Variants in FBXL17 observed in about 807,000 individuals in gnomAD.
FBXL17 encodes F-box and leucine rich repeat protein 17, also known as F-box/LRR-repeat protein 17.
FBXL17 carries 22 observed loss-of-function variants against 66.2 expected under a neutral mutation model. The ratio of observed to expected loss-of-function variants is 0.33; its 90% CI spans 0.24 to 0.47. FBXL17 has a LOEUF of 0.47. Ranked by LOEUF, FBXL17 falls within the 20% of genes least tolerant of loss-of-function variation. The probability of loss-of-function intolerance (pLI) is 1.00; values close to 1 mark genes in which losing one functional copy is unlikely to be tolerated. For missense variants in FBXL17, 878 were observed against 948.2 expected, an observed-to-expected ratio of 0.93 and a Z score of 0.97; for synonymous variants, 474 against 400.5, an observed-to-expected ratio of 1.18 and a Z score of -2.19.
At chr5:108,109,703 A>G (rs1011869122) in intron 6 of FBXL17, among the ~76,000 whole-genome samples, 5 of 152,190 alleles carry the variant, frequency 3.3e-5, no homozygotes, top group Admixed American at 6.5e-5. Flanking sequence ...AATACCAGTT[A>G]GTGCCCCACT....
At chr5:108,269,113 T>C (rs1489280114) in intron 4 of FBXL17, among the ~76,000 whole-genome samples, 1 of 152,048 alleles carries the variant, frequency 6.6e-6, no homozygotes, top group Non-Finnish European at 1.5e-5. Context: ...TCAGCTTCAA[T>C]TTCCCATCCT....
At chr5:108,346,877 T>A (rs1035293119) in intron 4 of FBXL17, among the ~76,000 whole-genome samples, 3 of 152,154 alleles carry the variant, frequency 2.0e-5, no homozygotes, top group African/African-American at 7.2e-5. Context: ...AACACAGACC[T>A]AACTTCTCTT....
At chr5:108,034,589 C>T (rs944590138) in intron 6 of FBXL17, among the ~76,000 whole-genome samples, 4 of 151,778 alleles carry the variant, frequency 2.6e-5, no homozygotes, top group Admixed American at 2.0e-4. Flanking sequence ...AAGAAACATG[C>T]AGTTATTTAT....
intron 4 of FBXL17, among the ~76,000 whole-genome samples, chr5:108,233,541 C>G (rs1021448871): frequency 6.6e-6 from 1 of 152,160 alleles, no homozygotes; most frequent in African/African-American, 2.4e-5. Flanking sequence ...ACATTTTGAT[C>G]TTTCAGTCAG....
intron 7 of FBXL17, among the ~76,000 whole-genome samples, chr5:107,987,902 T>G (rs915571942): frequency 6.6e-6 from 1 of 152,000 alleles, no homozygotes; most frequent in Admixed American, 6.6e-5. Context: ...ATGCATTAGA[T>G]GAAACTGAAT....
At chr5:108,009,243 C>T (rs1196911940) in intron 7 of FBXL17, among the ~76,000 whole-genome samples, 2 of 10,280 alleles carry the variant, frequency 1.9e-4, no homozygotes, top group East Asian at 2.2e-3. Context: ...ACAGCTTGGT[C>T]GTGAGTTGTT....
chr5:107,995,161 C>G (rs1561357923), intron 7 of FBXL17, among the ~76,000 whole-genome samples: 1 of 152,112 alleles, frequency 6.6e-6, no homozygotes, highest in Non-Finnish European at 1.5e-5. Flanking sequence ...AGAAAAAGAA[C>G]TAAAAAGGTA....
intron 4 of FBXL17, among the ~76,000 whole-genome samples, chr5:108,339,806 A>T (rs1340960441): frequency 6.6e-6 from 1 of 152,196 alleles, no homozygotes; most frequent in Non-Finnish European, 1.5e-5. Context: ...GGATATCCTT[A>T]TCGGAGTTTT....
intron 7 of FBXL17, among the ~76,000 whole-genome samples, chr5:107,920,662 T>C (rs1432344301): frequency 6.6e-6 from 1 of 152,194 alleles, no homozygotes; most frequent in African/African-American, 2.4e-5. Context: ...AAGTGAACTT[T>C]TGAGAAAATT....
At chr5:108,003,846 G>A (rs935013003) in intron 7 of FBXL17, among the ~76,000 whole-genome samples, 8 of 152,116 alleles carry the variant, frequency 5.3e-5, no homozygotes, top group African/African-American at 1.9e-4. Flanking sequence ...AATATAGCAT[G>A]AGAAGGTCTA....
intron 4 of FBXL17, among the ~76,000 whole-genome samples, chr5:108,233,179 TTG>T (rs1491549417): frequency 1.3e-5 from 2 of 148,240 alleles, no homozygotes; most frequent in East Asian, 2.0e-4. Context: ...TGTTTCACAA[TTG>T]TTTTTTTTGC....
chr5:108,110,365 G>T (rs1386964767), intron 6 of FBXL17, among the ~76,000 whole-genome samples: 1 of 152,060 alleles, frequency 6.6e-6, no homozygotes, highest in Non-Finnish European at 1.5e-5. Flanking sequence ...TAGAATTTCT[G>T]AAATTTCTTA....
chr5:108,270,844 C>G (rs1295617729), intron 4 of FBXL17, among the ~76,000 whole-genome samples: 1 of 151,792 alleles, frequency 6.6e-6, no homozygotes, highest in East Asian at 1.9e-4. Context: ...TCTCCTGAAC[C>G]CTTTTTACTA....
intron 7 of FBXL17, among the ~76,000 whole-genome samples, chr5:108,014,261 A>G (rs1388476640): frequency 6.6e-6 from 1 of 152,136 alleles, no homozygotes; most frequent in Non-Finnish European, 1.5e-5. Flanking sequence ...AAAAGATAAA[A>G]AGTTAATATT....
At chr5:108,126,651 C>CTCTCTCTCTCTCTCTCTCTCTATATATA (rs1554067324) in intron 6 of FBXL17, among the ~76,000 whole-genome samples, 1 of 108,042 alleles carries the variant, frequency 9.3e-6, no homozygotes, top group Non-Finnish European at 2.0e-5. Flanking sequence ...CTCTCTCTCT[C>CTCTCTCTCTCTCTCTCTCTCTATATATA]TATATATATA....
intron 7 of FBXL17, among the ~76,000 whole-genome samples, chr5:107,987,346 T>C (rs56389119): frequency 0.014 from 2,056 of 151,850 alleles, 31 homozygotes; most frequent in Non-Finnish European, 0.022. Context: ...AATTTCAAAT[T>C]CATAATGGTC....
chr5:107,887,995 T>A (rs941885060), intron 7 of FBXL17, among the ~76,000 whole-genome samples: 12 of 152,232 alleles, frequency 7.9e-5, no homozygotes, highest in African/African-American at 2.9e-4. Context: ...CGGTAGTTAC[T>A]TTGTATATAA....
intron 3 of FBXL17, among the ~76,000 whole-genome samples, chr5:108,358,611 C>T (rs59302100): frequency 0.018 from 2,740 of 152,168 alleles, 78 homozygotes; most frequent in African/African-American, 0.061. Flanking sequence ...TTTTTACATA[C>T]TCGTTAAAGA....
intron 6 of FBXL17, 145 bp downstream of exon 6, chr5:108,185,972 T>C: frequency 1.6e-6 from 1 of 636,480 alleles, no homozygotes; most frequent in South Asian, 2.2e-5. Flanking sequence ...AGTATAGATC[T>C]AGATGGTTTT....
Sources: gnomAD v4.1 joint callset for allele counts (sites outside exome capture counted in the v4.1 genomes callset) on GRCh38, gnomAD v4.1.1 for gene constraint, MANE v1.5 for transcripts, NCBI Gene and HGNC (gene_info 2026-07-23, HGNC 2026-07-21) for gene names.